The following ITIH5 variants were observed in gnomAD, a reference collection of about 807,000 sequenced individuals.
ITIH5 encodes inter-alpha-trypsin inhibitor heavy chain 5, also known as inter-alpha-trypsin inhibitor heavy chain H5.
In ITIH5, 65 loss-of-function variants were observed where a neutral mutation model predicts 77.5. The ratio of observed to expected loss-of-function variants is 0.84; its 90% CI spans 0.69 to 1.03. ITIH5 has a LOEUF of 1.03. Ranked by LOEUF, ITIH5 falls within the 50% of genes least tolerant of loss-of-function variation. The pLI, the probability that ITIH5 is intolerant of heterozygous loss-of-function variation, is 0.00. For synonymous variants in ITIH5, 525 were observed against 494.3 expected (o/e 1.06, Z -0.82); for missense variants, 1,208 against 1,213.1 (o/e 1.00, Z 0.06).
chr10:7,563,383 A>G lies in ITIH5; in HGVS notation c.2529T>C (p.Gly843=). 1.9e-6 allele frequency: 3 copies of G among 1,608,800 alleles called. No homozygotes were observed. Among genetic ancestry groups the G allele is most frequent in the Non-Finnish European group, 2.6e-6 (3 of 1,175,948 alleles). ...GLSSNCHGLL[G]QFLNQDARLT... ...GTCTGGCATCCTGATTCAGGAACTG[A>G]CCTGGGAGGACAAGGAAAAGCATCG... Residue 843 remains glycine (G), a splice_region_variant and synonymous_variant, in exon 14 of 14, where the codon GGT becomes GGC. Coordinates refer to ENST00000397146, the MANE Select transcript of ITIH5 (RefSeq NM_030569.7).
chr10:7,639,189 A>G (rs1342914445), intron 4 of ITIH5, among the ~76,000 whole-genome samples: 1 of 152,202 alleles, frequency 6.6e-6, no homozygotes, highest in Non-Finnish European at 1.5e-5. Context: ...ACGATGAGGC[A>G]ACTCATCAAA....
intron 7 of ITIH5, among the ~76,000 whole-genome samples, chr10:7,593,362 AC>A: frequency 5.0e-5 from 7 of 140,226 alleles, no homozygotes; most frequent in African/African-American, 1.6e-4. Flanking sequence ...ACCCAGCCCC[AC>A]TCACCCCTGC....
chr10:7,574,717 T>C (rs887468890), intron 10 of ITIH5, among the ~76,000 whole-genome samples: 1 of 138,280 alleles, frequency 7.2e-6, no homozygotes. Flanking sequence ...AGCGTGAACC[T>C]GGGAGGCAGA....
At chr10:7,603,589 TTTGC>T (rs1420004360) in intron 7 of ITIH5, among the ~76,000 whole-genome samples, 7 of 152,124 alleles carry the variant, frequency 4.6e-5, no homozygotes, top group Non-Finnish European at 5.9e-5. Flanking sequence ...TTGTTTTTTG[TTTGC>T]TTGTTTTTCA....
In ITIH5 at chr10:7,607,586, G is replaced by A. The variant is rs537774652; in HGVS notation, c.939+8396C>T. 5.3e-5 allele frequency among the ~76,000 whole-genome samples: 8 copies of A among 152,376 alleles called. No homozygotes were observed. The South Asian group carries it at 1.7e-3, about 32-fold the overall frequency. On this transcript the variant is annotated intron_variant, in intron 7 of 13. Coordinates refer to ENST00000397146, the MANE Select transcript of ITIH5 (RefSeq NM_030569.7). ...CCCAGCACTCTGGGAGGCTGAGGCA[G>A]GTGGATCACCTGAGGTCAGGAGTTC... is the stretch of plus-strand genomic sequence containing the variant.
chr10:7,648,080 A>C (rs1468272071), intron 2 of ITIH5, among the ~76,000 whole-genome samples: 1 of 17,962 alleles, frequency 5.6e-5, no homozygotes, highest in Non-Finnish European at 1.0e-4. Context: ...TGTCTCTACT[A>C]AAAAAAAAAA....
intron 7 of ITIH5, among the ~76,000 whole-genome samples, chr10:7,610,076 T>C (rs1256892647): frequency 1.4e-5 from 2 of 147,590 alleles, no homozygotes; most frequent in East Asian, 2.0e-4. Flanking sequence ...TTTCTTTTTT[T>C]TTTTTTTTTT....
chr10:7,654,304 A>T (rs1182250017), intron 2 of ITIH5, among the ~76,000 whole-genome samples: 1 of 152,180 alleles, frequency 6.6e-6, no homozygotes, highest in Non-Finnish European at 1.5e-5. Context: ...GTATGCTTAC[A>T]ATTTACATGT....
intron 7 of ITIH5, among the ~76,000 whole-genome samples, chr10:7,606,545 T>C (rs1266821182): frequency 6.6e-6 from 1 of 152,162 alleles, no homozygotes; most frequent in Non-Finnish European, 1.5e-5. Flanking sequence ...AAGTGGGAGC[T>C]AAACATTGAG....
At chr10:7,577,424 C>T (rs1439654254) in intron 9 of ITIH5, among the ~76,000 whole-genome samples, 1 of 152,218 alleles carries the variant, frequency 6.6e-6, no homozygotes, top group Non-Finnish European at 1.5e-5. Flanking sequence ...AGTCAATCCC[C>T]AGTTTCATGA....
At chr10:7,664,161 A>T (rs1400529534) in intron 1 of ITIH5, among the ~76,000 whole-genome samples, 1 of 152,196 alleles carries the variant, frequency 6.6e-6, no homozygotes, top group Non-Finnish European at 1.5e-5. Flanking sequence ...GCACTTTGGG[A>T]GGCCAGGGCA....
intron 5 of ITIH5, among the ~76,000 whole-genome samples, chr10:7,635,679 T>C (rs1464264220): frequency 1.3e-5 from 2 of 152,122 alleles, no homozygotes; most frequent in Non-Finnish European, 2.9e-5. Context: ...GCCTCTCACA[T>C]AGTCATTAAC....
At chr10:7,612,538 G>T (rs11255236) in intron 7 of ITIH5, among the ~76,000 whole-genome samples, 44,978 of 151,814 alleles carry the variant, frequency 0.3, 6,668 homozygotes, top group African/African-American at 0.34. Flanking sequence ...AACATCAGAA[G>T]ACAAACTATT....
In ITIH5 at chr10:7,607,501, A is replaced by T. The variant is rs545670200; in HGVS notation, c.939+8481T>A. Among the ~76,000 whole-genome samples the T allele has an allele frequency of 6.4e-4, 97 of 152,292 alleles. 1 individual carries two copies. In the South Asian group the frequency reaches 0.019, roughly 30 times the overall value. The stretch of plus-strand genomic sequence containing the variant: ...TCTCTACAGAAAGAAAGAGGAGGGG[A>T]GAGGGGAGAAACTTGGAAAAATGAA... On this transcript the variant is annotated intron_variant, in intron 7 of 13. Coordinates refer to ENST00000397146, the MANE Select transcript of ITIH5 (RefSeq NM_030569.7).
At chr10:7,644,312 A>C (rs116742623) in intron 2 of ITIH5, among the ~76,000 whole-genome samples, 1 of 148,428 alleles carries the variant, frequency 6.7e-6, no homozygotes, top group Non-Finnish European at 1.5e-5. Flanking sequence ...CATATCACAT[A>C]TATATCATAC....
intron 7 of ITIH5, among the ~76,000 whole-genome samples, chr10:7,614,845 T>A (rs1161141860): frequency 1.3e-5 from 2 of 152,216 alleles, no homozygotes; most frequent in Non-Finnish European, 2.9e-5. Context: ...TAGGTTCAAC[T>A]GCGTGTGAGG....
intron 9 of ITIH5, among the ~76,000 whole-genome samples, chr10:7,579,297 G>A (rs983804547): frequency 2.6e-5 from 4 of 152,192 alleles, no homozygotes; most frequent in East Asian, 1.9e-4. Context: ...AGGCCAAGGC[G>A]GGCAGATCAC....
intron 12 of ITIH5, among the ~76,000 whole-genome samples, chr10:7,569,004 CTTTT>C (rs1380705793): frequency 9.5e-5 from 11 of 115,314 alleles, no homozygotes; most frequent in South Asian, 2.8e-4. Context: ...TTCTTTTTTT[CTTTT>C]TCTTTTTTTT....
At chr10:7,568,628 G>T (rs1439033577) in intron 12 of ITIH5, among the ~76,000 whole-genome samples, 1 of 152,220 alleles carries the variant, frequency 6.6e-6, no homozygotes, top group East Asian at 1.9e-4. Flanking sequence ...CATATCACCT[G>T]CTGGGGGACC....
Sources: allele counts gnomAD v4.1 joint callset (sites outside exome capture counted in the v4.1 genomes callset), GRCh38; gene constraint gnomAD v4.1.1; transcripts MANE v1.5; gene names NCBI Gene and HGNC (gene_info 2026-07-23, HGNC 2026-07-21).